MCM9: variants seen among roughly 807,000 people sequenced by gnomAD.
MCM9 encodes minichromosome maintenance 9 homologous recombination repair factor.
In MCM9, 55 loss-of-function variants were observed where a neutral mutation model predicts 72.8. That is an observed-to-expected ratio of 0.76 (90% CI 0.61 to 0.95). The LOEUF (loss-of-function observed/expected upper bound fraction) is 0.95. MCM9 is among the 40% of genes least tolerant of loss of function. The pLI is 0.00. For missense variants in MCM9, 1,279 were observed against 1,377.0 expected (o/e 0.93, Z 1.13); for synonymous variants, 480 against 503.4 (o/e 0.95, Z 0.62).
chr6:118,921,408 A>G (rs1279115241), intron 5 of MCM9: 2 of 152,134 alleles, frequency 1.3e-5, no homozygotes, highest in African/African-American at 4.8e-5. Flanking sequence ...TCTCCATGCT[A>G]ACCATGTATA....
At chr6:118,819,029 T>C (rs772785952) in intron 13 of MCM9, among the ~76,000 whole-genome samples, 11 of 152,172 alleles carry the variant, frequency 7.2e-5, no homozygotes, top group Middle Eastern at 3.2e-3. Context: ...GGTGAGATGA[T>C]GGGGTTTTCT....
At chr6:118,892,144 G>A (rs987948044) in intron 8 of MCM9, among the ~76,000 whole-genome samples, 1 of 152,180 alleles carries the variant, frequency 6.6e-6, no homozygotes, top group Non-Finnish European at 1.5e-5. Context: ...TCAATGGTGA[G>A]GAAACTATTG....
intron 9 of MCM9, among the ~76,000 whole-genome samples, chr6:118,842,212 T>C (rs917712854): frequency 5.9e-5 from 9 of 152,356 alleles, no homozygotes; most frequent in African/African-American, 1.9e-4. Flanking sequence ...ACATATATCA[T>C]AGAAATGTTA....
intron 8 of MCM9, chr6:118,894,429 G>C: frequency 6.5e-7 from 1 of 1,537,130 alleles, no homozygotes; most frequent in Non-Finnish European, 8.7e-7. Context: ...AAAGGTTCAG[G>C]TGAACAATGT....
At chr6:118,817,370 T>G (rs1583314405) in intron 13 of MCM9, among the ~76,000 whole-genome samples, 1 of 151,990 alleles carries the variant, frequency 6.6e-6, no homozygotes, top group Non-Finnish European at 1.5e-5. Flanking sequence ...TTCCCACTTA[T>G]GAGTGAGAAC....
At chr6:118,835,011 A>G (rs1174853740) in intron 9 of MCM9, among the ~76,000 whole-genome samples, 1 of 151,816 alleles carries the variant, frequency 6.6e-6, no homozygotes, top group South Asian at 2.1e-4. Context: ...CCTTTAATCC[A>G]TCTTAATTTT....
chr6:118,834,262 G>A lies in MCM9; in HGVS notation c.1326-5012C>T, dbSNP rs1774796456. Reference sequence around the variant, plus strand: ...CATTTTCTTTATCCAGTCTATCATTGATGGGCATTTGGGTTACTTCCAAGT... The same window carrying A: ...CATTTTCTTTATCCAGTCTATCATTAATGGGCATTTGGGTTACTTCCAAGT... On this transcript the variant is annotated intron_variant, in intron 9 of 13. Coordinates refer to ENST00000619706, the MANE Select transcript of MCM9 (RefSeq NM_017696.3). Among the ~76,000 whole-genome samples the A allele has an allele frequency of 2.0e-5, 3 of 152,152 alleles. No individual in the cohort carries two copies. The South Asian group carries it at 6.2e-4, about 32-fold the overall frequency.
At chr6:118,833,687 T>C (rs1774748535) in intron 9 of MCM9, among the ~76,000 whole-genome samples, 1 of 152,106 alleles carries the variant, frequency 6.6e-6, no homozygotes, top group Non-Finnish European at 1.5e-5. Context: ...TTACGAAAGA[T>C]CAATACTGTA....
At chr6:118,913,448 A>G (rs771655809) in intron 6 of MCM9, 28 bp from the exon 7 acceptor site, 3 of 1,611,290 alleles carry the variant, frequency 1.9e-6, no homozygotes, top group South Asian at 2.2e-5. Context: ...ATCAGAAATC[A>G]GCAATAATTT....
At chr6:118,925,153 T>C (rs9374758) in intron 3 of MCM9, among the ~76,000 whole-genome samples, 128,894 of 152,108 alleles carry the variant, frequency 0.85, 54,724 homozygotes, top group East Asian at 0.93. Context: ...GAAATTCCCT[T>C]TTTCTCATGT....
At chr6:118,930,756 CTAAA>C (rs1782357617) in intron 3 of MCM9, among the ~76,000 whole-genome samples, 1 of 152,102 alleles carries the variant, frequency 6.6e-6, no homozygotes, top group Non-Finnish European at 1.5e-5. Flanking sequence ...ATGCAATGAA[CTAAA>C]TAAAAATTGT....
At chr6:118,933,705 T>G (rs1162078065) in intron 1 of MCM9, among the ~76,000 whole-genome samples, 1 of 152,124 alleles carries the variant, frequency 6.6e-6, no homozygotes, top group East Asian at 1.9e-4. Flanking sequence ...ATTTGCTATA[T>G]TTTGCTTTCT....
At chr6:118,902,551 A>G (rs1380591360) in intron 8 of MCM9, among the ~76,000 whole-genome samples, 1 of 113,762 alleles carries the variant, frequency 8.8e-6, no homozygotes, top group Non-Finnish European at 1.7e-5. Flanking sequence ...TTTTTTGGCT[A>G]CTATAAGAAC....
intron 8 of MCM9, among the ~76,000 whole-genome samples, chr6:118,860,889 T>C (rs1429520912): frequency 1.3e-5 from 2 of 152,154 alleles, no homozygotes; most frequent in East Asian, 1.9e-4. Context: ...ACAGGATCCT[T>C]AGGATGTCGC....
At chr6:118,879,012 T>A (rs928425770) in intron 8 of MCM9, among the ~76,000 whole-genome samples, 1 of 151,898 alleles carries the variant, frequency 6.6e-6, no homozygotes, top group East Asian at 1.9e-4. Context: ...GCCAAGATCA[T>A]ACCACTGCAT....
intron 9 of MCM9, among the ~76,000 whole-genome samples, chr6:118,834,644 T>C (rs561934843): frequency 6.6e-6 from 1 of 152,308 alleles, no homozygotes; most frequent in African/African-American, 2.4e-5. Context: ...GTTGGCCATA[T>C]AAATGTCTTC....
chr6:118,863,480 G>A (rs1050867555), intron 8 of MCM9, among the ~76,000 whole-genome samples: 3 of 152,040 alleles, frequency 2.0e-5, no homozygotes, highest in Non-Finnish European at 4.4e-5. Context: ...ACAAAAATAG[G>A]GACAAAGAAC....
chr6:118,822,344 C>G (rs772889900), intron 13 of MCM9, among the ~76,000 whole-genome samples: 4 of 152,080 alleles, frequency 2.6e-5, no homozygotes, highest in African/African-American at 4.8e-5. Flanking sequence ...TTTTTGCTTT[C>G]TGTTTGCTAG....
intron 9 of MCM9, among the ~76,000 whole-genome samples, chr6:118,851,788 T>A (rs1240604841): frequency 6.7e-6 from 1 of 149,222 alleles, no homozygotes; most frequent in Admixed American, 6.6e-5. Context: ...AAGAACCTTA[T>A]CTTGAAACTA....
Sources: allele counts gnomAD v4.1 joint callset (sites outside exome capture counted in the v4.1 genomes callset), GRCh38; gene constraint gnomAD v4.1.1; transcripts MANE v1.5; gene names NCBI Gene and HGNC (gene_info 2026-07-23, HGNC 2026-07-21).